EPHB1: variants seen among roughly 807,000 people sequenced by gnomAD.
EPHB1 encodes EPH receptor B1, also known as ephrin type-B receptor 1.
A neutral mutation model predicts 94.4 loss-of-function variants in EPHB1; 30 were observed. The observed-to-expected ratio is 0.32, with a 90% CI of 0.24 to 0.43. EPHB1 has a LOEUF of 0.43. Among genes scored for constraint, EPHB1 ranks in the 20% least tolerant of loss-of-function variants. The pLI is 1.00. For synonymous variants in EPHB1, 522 were observed against 489.1 expected, an observed-to-expected ratio of 1.07 and a Z score of -0.89; for missense variants, 1,055 against 1,308.3, an observed-to-expected ratio of 0.81 and a Z score of 2.99.
intron 5 of EPHB1, 141 bp from the exon 6 acceptor site, chr3:135,154,009 CTG>C: frequency 8.9e-7 from 1 of 1,126,102 alleles, no homozygotes; most frequent in Non-Finnish European, 1.3e-6. Context: ...ACAGGAAGTT[CTG>C]CAGGTCCAGC....
At chr3:134,816,017 C>T (rs1254810999) in intron 1 of EPHB1, among the ~76,000 whole-genome samples, 3 of 32,332 alleles carry the variant, frequency 9.3e-5, no homozygotes, top group Middle Eastern at 0.036. Flanking sequence ...GGCCACACGC[C>T]GTGTCCTCTG....
chr3:135,045,766 G>A (rs1366917771), intron 3 of EPHB1, among the ~76,000 whole-genome samples: 1 of 152,156 alleles, frequency 6.6e-6, no homozygotes, highest in African/African-American at 2.4e-5. Context: ...AATGTATGAT[G>A]TGACCAAATC....
At position 135,096,574 on chromosome 3, in the gene EPHB1, A is replaced by G. The variant is rs550377043; in HGVS notation, c.806-9874A>G. On this transcript the variant is annotated intron_variant, in intron 3 of 15. Coordinates refer to ENST00000398015, the MANE Select transcript of EPHB1 (RefSeq NM_004441.5). ...ACACTGGGTGGCTTAAACAACAAAC[A>G]TTTATTTCTCACAGTTCTGAATACT... is the stretch of plus-strand genomic sequence containing the variant. 3.3e-5 allele frequency among the ~76,000 whole-genome samples: 5 copies of G among 152,304 alleles called. No homozygotes were observed. In the South Asian group the frequency reaches 8.3e-4, roughly 25 times the overall value.
At chr3:134,989,065 C>T (rs939439623) in intron 3 of EPHB1, among the ~76,000 whole-genome samples, 1 of 152,124 alleles carries the variant, frequency 6.6e-6, no homozygotes, top group Non-Finnish European at 1.5e-5. Context: ...AGAATTGGAC[C>T]CCTACAGAGC....
At chr3:135,061,113 A>G (rs548814608) in intron 3 of EPHB1, among the ~76,000 whole-genome samples, 1 of 152,222 alleles carries the variant, frequency 6.6e-6, no homozygotes, top group East Asian at 1.9e-4. Context: ...AGTTGTTGCA[A>G]ATGATTGGAT....
At chr3:135,240,017 G>T (rs1465222835) in intron 12 of EPHB1, among the ~76,000 whole-genome samples, 2 of 152,084 alleles carry the variant, frequency 1.3e-5, no homozygotes, top group East Asian at 3.9e-4. Context: ...CCAGACAAAG[G>T]CTCCAGGAGT....
chr3:135,217,315 T>G (rs1202186039), intron 12 of EPHB1, among the ~76,000 whole-genome samples: 1 of 152,078 alleles, frequency 6.6e-6, no homozygotes, highest in Non-Finnish European at 1.5e-5. Context: ...AGCAGTGCTA[T>G]GCAGAGTCCT....
intron 10 of EPHB1, among the ~76,000 whole-genome samples, chr3:135,190,325 A>G (rs992921515): frequency 5.9e-5 from 9 of 152,328 alleles, no homozygotes; most frequent in African/African-American, 2.2e-4. Context: ...ACACACCTTT[A>G]CCCTCAACTA....
chr3:135,152,861 A>G (rs549129658), intron 5 of EPHB1, among the ~76,000 whole-genome samples: 9 of 152,314 alleles, frequency 5.9e-5, no homozygotes, highest in South Asian at 4.1e-4. Context: ...TTCAAGGAGT[A>G]GGAACTCTGA....
At chr3:135,122,646 C>A (rs1202256747) in intron 4 of EPHB1, among the ~76,000 whole-genome samples, 2 of 152,176 alleles carry the variant, frequency 1.3e-5, no homozygotes, top group Non-Finnish European at 2.9e-5. Context: ...GAAACCTAGA[C>A]TCTCAGACTT....
intron 3 of EPHB1, among the ~76,000 whole-genome samples, chr3:135,057,000 G>A (rs1260282942): frequency 6.6e-6 from 1 of 152,170 alleles, no homozygotes; most frequent in African/African-American, 2.4e-5. Flanking sequence ...GTGGCAGTAT[G>A]GAGAGTCCCC....
chr3:135,257,290 G>A (rs28873829), intron 15 of EPHB1, among the ~76,000 whole-genome samples: 29,225 of 152,068 alleles, frequency 0.19, 2,903 homozygotes, highest in South Asian at 0.27. Flanking sequence ...GAGGAGAGGC[G>A]CTCTGCTTTT....
At chr3:135,241,994 T>C (rs1478449441) in intron 13 of EPHB1, among the ~76,000 whole-genome samples, 3 of 152,192 alleles carry the variant, frequency 2.0e-5, no homozygotes, top group African/African-American at 7.2e-5. Context: ...AGATGGGTCA[T>C]CTAACATGCT....
At chr3:135,245,481 G>A (rs1943895188) in intron 13 of EPHB1, among the ~76,000 whole-genome samples, 2 of 111,130 alleles carry the variant, frequency 1.8e-5, no homozygotes, top group Admixed American at 9.5e-5. Context: ...CAAACAAAGA[G>A]CAAATACAAA....
chr3:134,889,289 T>A (rs2037920447), intron 1 of EPHB1, among the ~76,000 whole-genome samples: 1 of 152,108 alleles, frequency 6.6e-6, no homozygotes, highest in African/African-American at 2.4e-5. Context: ...TATCTCTTTT[T>A]TTTTTAGTAG....
At chr3:134,800,348 A>G (rs974580531) in intron 1 of EPHB1, among the ~76,000 whole-genome samples, 3 of 152,242 alleles carry the variant, frequency 2.0e-5, no homozygotes, top group Admixed American at 6.5e-5. Flanking sequence ...AATAATATAT[A>G]GCTAATCCTT....
chr3:135,020,585 T>A (rs1208152797), intron 3 of EPHB1, among the ~76,000 whole-genome samples: 1 of 152,256 alleles, frequency 6.6e-6, no homozygotes, highest in Non-Finnish European at 1.5e-5. Context: ...GGTTGTAGCA[T>A]GTCTCAATAC....
At chr3:135,035,923 C>G (rs2107762945) in intron 3 of EPHB1, among the ~76,000 whole-genome samples, 1 of 152,312 alleles carries the variant, frequency 6.6e-6, no homozygotes. Flanking sequence ...AGCATCTGGT[C>G]TAGCCAGGTC....
rs1939347697 is a variant in EPHB1, at chr3:135,109,388, T to C, written c.961+2785T>C. Among the ~76,000 whole-genome samples the C allele has an allele frequency of 5.9e-5, 9 of 152,226 alleles. No homozygotes were observed. In the South Asian group the frequency reaches 1.9e-3, roughly 32 times the overall value. On this transcript the variant is annotated intron_variant, in intron 4 of 15. Transcript: ENST00000398015. ...TTTTATTCTCACGACTTCATAATAA[T>C]GTATGCTTTTCTGAGTTATTATGAG...
Sources: gnomAD v4.1 joint callset for allele counts (sites outside exome capture counted in the v4.1 genomes callset) on GRCh38, gnomAD v4.1.1 for gene constraint, MANE v1.5 for transcripts, NCBI Gene and HGNC (gene_info 2026-07-23, HGNC 2026-07-21) for gene names.